The following ZNF75D variants were observed in gnomAD, a reference collection of about 807,000 sequenced individuals.
The protein encoded by ZNF75D is zinc finger protein 75.
ZNF75D carries 33 observed loss-of-function variants against 33.3 expected under a neutral mutation model. That is an observed-to-expected ratio of 0.99 (90% CI 0.75 to 1.32). ZNF75D has a LOEUF of 1.32. Among genes scored for constraint, ZNF75D ranks in the 40% most tolerant of loss-of-function variants. The pLI, the probability that ZNF75D is intolerant of heterozygous loss-of-function variation, is 0.00. For synonymous variants in ZNF75D, 113 were observed against 130.6 expected (o/e 0.87, Z 0.92); for missense variants, 338 against 367.5 (o/e 0.92, Z 0.66).
chrX:135,317,204 G>A (rs2084431764), intron 1 of ZNF75D, among the ~76,000 whole-genome samples: 2 of 111,982 alleles, frequency 1.8e-5, no homozygotes, highest in South Asian at 7.4e-4. Flanking sequence ...ATGAAGTAGT[G>A]TAGTCTCTGT....
intron 3 of ZNF75D, 28 bp from the exon 4 acceptor site, chrX:135,292,501 A>T (rs369008335): frequency 1.0e-4 from 121 of 1,188,222 alleles, no homozygotes; most frequent in Non-Finnish European, 1.3e-4. Context: ...CCTCATTAGC[A>T]CAGAACTTAC....
At chrX:135,259,825 G>A (rs1032284258) in intron 1 of ZNF75D, among the ~76,000 whole-genome samples, 7 of 111,754 alleles carry the variant, frequency 6.3e-5, no homozygotes, top group Non-Finnish European at 1.9e-5. Flanking sequence ...AACTTCCAAC[G>A]CTATGTTGAA....
In ZNF75D at chrX:135,257,180, C is replaced by A. The variant is rs184321478; in HGVS notation, n.828-1403G>T. ...GGGACTTTGTATTAGACCCTAAGTA[C>A]CAGCTCAGCCAGTGCAGTAGAGCAA... On this transcript the variant is annotated intron_variant and non_coding_transcript_variant, in intron 1 of 3. Coordinates refer to the ZNF75D transcript ENST00000494295. 1.4e-3 allele frequency among the ~76,000 whole-genome samples: 154 copies of A among 112,688 alleles called. 1 individual carries two copies. Among genetic ancestry groups the A allele is most frequent in the Non-Finnish European group, 2.3e-3 (120 of 53,278 alleles).
intron 1 of ZNF75D, chrX:135,309,751 A>G (rs1179882431): frequency 3.4e-6 from 1 of 291,065 alleles, no homozygotes; most frequent in Non-Finnish European, 6.0e-6. Context: ...AATTATAATT[A>G]GAACAATAAA....
chrX:135,316,564 T>C (rs1352874405), intron 1 of ZNF75D, among the ~76,000 whole-genome samples: 3 of 112,072 alleles, frequency 2.7e-5, no homozygotes, highest in African/African-American at 9.7e-5. Context: ...AAATTTTTCA[T>C]CTATTATTTC....
chrX:135,258,913 T>C (rs1556414999), intron 1 of ZNF75D, among the ~76,000 whole-genome samples: 1 of 112,137 alleles, frequency 8.9e-6, no homozygotes, highest in East Asian at 2.8e-4. Context: ...CCTTCAAGGG[T>C]TTTTACGGTT....
chrX:135,267,337 T>A (rs186942328), intron 1 of ZNF75D, among the ~76,000 whole-genome samples: 2,310 of 110,821 alleles, frequency 0.021, 61 homozygotes, highest in African/African-American at 0.071. Flanking sequence ...TCAGTTTTTT[T>A]AAAAGATAAA....
At chrX:135,301,953 T>A (rs1556424807) in intron 1 of ZNF75D, among the ~76,000 whole-genome samples, 1 of 111,980 alleles carries the variant, frequency 8.9e-6, no homozygotes, top group African/African-American at 3.2e-5. Context: ...TCCTCTGAAA[T>A]TTAGGTGGAG....
At position 135,287,005 on chromosome X, in the gene ZNF75D, G is replaced by T; in HGVS notation, c.*132C>A. 1 of 534,500 alleles carries T rather than the reference G, an allele frequency of 1.9e-6. No individual in the cohort carries two copies. The allele number at this position is 534,500 out of a possible 1,213,427, so 44.0% of individuals were successfully genotyped here. A position where few individuals can be genotyped will look rare whatever the true frequency, so the allele number is the denominator to read the frequency against. Reference sequence around the variant, plus strand: ...AATGCTGAATAAAACAGACAGCTTAGATTCCTTTTTGTGAAGTGTAACATG... The same window carrying T: ...AATGCTGAATAAAACAGACAGCTTATATTCCTTTTTGTGAAGTGTAACATG... On this transcript the variant is annotated 3_prime_UTR_variant, in exon 7 of 7. Coordinates refer to ENST00000370766, the MANE Select transcript of ZNF75D (RefSeq NM_007131.5).
chrX:135,307,061 C>T (rs1177537710), intron 1 of ZNF75D, among the ~76,000 whole-genome samples: 3 of 111,406 alleles, frequency 2.7e-5, no homozygotes, highest in African/African-American at 9.8e-5. Flanking sequence ...ATCTATCAAT[C>T]AACCTCTCCT....
chrX:135,256,389 G>T lies in ZNF75D; in HGVS notation n.828-612C>A, dbSNP rs183052289. 8.0e-3 allele frequency among the ~76,000 whole-genome samples: 880 copies of T among 109,595 alleles called. 5 individuals are homozygous for T. Among genetic ancestry groups the T allele is most frequent in the Non-Finnish European group, 0.013 (679 of 52,462 alleles). On this transcript the variant is annotated intron_variant and non_coding_transcript_variant, in intron 1 of 3. Coordinates refer to the ZNF75D transcript ENST00000494295. ...CTATCACAGCTGAAAACAAATCCAT[G>T]CAGGGTGCAGCCAGTGCCCACACAC...
intron 1 of ZNF75D, among the ~76,000 whole-genome samples, chrX:135,307,335 C>T (rs183614475): frequency 1.8e-5 from 2 of 110,977 alleles, no homozygotes; most frequent in African/African-American, 6.6e-5. Context: ...ACCTCAATTT[C>T]CTCAGTTCTT....
intron 1 of ZNF75D, among the ~76,000 whole-genome samples, chrX:135,302,017 G>T (rs2084224048): frequency 1.8e-5 from 2 of 112,338 alleles, no homozygotes; most frequent in South Asian, 7.4e-4. Context: ...AACACCACGT[G>T]GAAGCTGTCA....
chrX:135,293,956 C>G lies in ZNF75D; in HGVS notation c.185G>C (p.Gly62Ala). ...AAGTTGGCTGATAGTCTCAAGCGGTCCGGTTGCTTCATGATAACGGAAGCT... is the reference window on the plus strand; with the variant it reads ...AAGTTGGCTGATAGTCTCAAGCGGTGCGGTTGCTTCATGATAACGGAAGCT... ...FWSFRYHEAT[G>A]PLETISQLQK... The change falls in exon 3 of 7, where the codon GGA (glycine) becomes GCA (alanine). Residue 62 changes from glycine (G) to alanine (A), a missense_variant. This residue lies in a region of ZNF75D where 254 missense variants were observed against 267.7 expected (regional missense o/e 0.95). Transcript: ENST00000370766. 8.3e-7 allele frequency: 1 copy of G among 1,211,569 alleles called. No individual in the cohort carries two copies. Among genetic ancestry groups the G allele is most frequent in the Non-Finnish European group, 1.1e-6 (1 of 895,411 alleles).
At chrX:135,338,505 T>A (rs782810992) in intron 1 of ZNF75D, among the ~76,000 whole-genome samples, 3 of 112,612 alleles carry the variant, frequency 2.7e-5, no homozygotes, top group Non-Finnish European at 3.7e-5. Flanking sequence ...TGCTGTTTCA[T>A]GAAGTTCAGC....
chrX:135,262,139 G>A (rs189414704), intron 1 of ZNF75D, among the ~76,000 whole-genome samples: 6 of 112,294 alleles, frequency 5.3e-5, no homozygotes, highest in Non-Finnish European at 1.1e-4. Context: ...CTTCTGGCTT[G>A]TAGGGTTTCT....
chrX:135,341,125 T>C (rs1308315153), intron 1 of ZNF75D, among the ~76,000 whole-genome samples: 5 of 111,426 alleles, frequency 4.5e-5, no homozygotes, highest in Admixed American at 3.8e-4. Context: ...GAGTTCTAGA[T>C]TGAGTGCACA....
intron 1 of ZNF75D, among the ~76,000 whole-genome samples, chrX:135,274,918 T>C (rs2083894544): frequency 8.9e-6 from 1 of 111,849 alleles, no homozygotes; most frequent in South Asian, 3.7e-4. Flanking sequence ...ACTACAGTTT[T>C]AGGTTACCAA....
chrX:135,273,162 AG>A (rs1556417165), intron 1 of ZNF75D, among the ~76,000 whole-genome samples: 1 of 111,519 alleles, frequency 9.0e-6, no homozygotes, highest in Non-Finnish European at 1.9e-5. Context: ...TGCTCCATAC[AG>A]GGGAATATCT....
Sources: allele counts gnomAD v4.1 joint callset (sites outside exome capture counted in the v4.1 genomes callset), GRCh38; gene constraint gnomAD v4.1.1; regional missense constraint gnomAD v4.1.1; transcripts MANE v1.5; gene names NCBI Gene and HGNC (gene_info 2026-07-23, HGNC 2026-07-21).